The following MAOA variants were observed in gnomAD, a reference collection of about 807,000 sequenced individuals.
MAOA encodes monoamine oxidase A, also known as amine oxidase [flavin-containing] A.
MAOA carries 6 observed loss-of-function variants against 42.0 expected under a neutral mutation model. That is an observed-to-expected ratio of 0.14 (90% CI 0.08 to 0.28). The LOEUF is 0.28. Ranked by LOEUF, MAOA falls within the 10% of genes least tolerant of loss-of-function variation. The pLI, the probability that MAOA is intolerant of heterozygous loss-of-function variation, is 1.00. For missense variants in MAOA, 262 were observed against 422.3 expected, an observed-to-expected ratio of 0.62 and a Z score of 3.33; for synonymous variants, 140 against 154.0, an observed-to-expected ratio of 0.91 and a Z score of 0.67.
chrX:43,690,551 A>G (rs1466632701), intron 2 of MAOA, among the ~76,000 whole-genome samples: 2 of 111,066 alleles, frequency 1.8e-5, no homozygotes, highest in Non-Finnish European at 3.8e-5. Context: ...GTTTGCATGT[A>G]TGTTTTGTAA....
At chrX:43,688,681 A>G (rs1222954677) in intron 2 of MAOA, among the ~76,000 whole-genome samples, 3 of 112,078 alleles carry the variant, frequency 2.7e-5, no homozygotes, top group Non-Finnish European at 5.6e-5. Context: ...TCTAAAAGCT[A>G]TATGCAGTGT....
At chrX:43,696,420 C>T (rs767474530) in intron 3 of MAOA, among the ~76,000 whole-genome samples, 30 of 112,028 alleles carry the variant, frequency 2.7e-4, no homozygotes, top group Non-Finnish European at 5.1e-4. Flanking sequence ...GAATGTAAGG[C>T]AGAAAATAAA....
chrX:43,733,675 C>A (rs1406355341), intron 9 of MAOA, among the ~76,000 whole-genome samples: 1 of 112,004 alleles, frequency 8.9e-6, no homozygotes, highest in East Asian at 2.8e-4. Context: ...TCCCCTTTAC[C>A]CCTAGGAAAT....
At chrX:43,673,745 C>G (rs1231897723) in intron 1 of MAOA, among the ~76,000 whole-genome samples, 1 of 111,641 alleles carries the variant, frequency 9.0e-6, no homozygotes, top group African/African-American at 3.3e-5. Context: ...TTTCCATGTA[C>G]TTGAGTGGTT....
chrX:43,739,968 T>G (rs770963508), intron 10 of MAOA, among the ~76,000 whole-genome samples: 7 of 112,389 alleles, frequency 6.2e-5, no homozygotes, highest in African/African-American at 1.9e-4. Context: ...TTTATATAAG[T>G]ACAACCACTA....
chrX:43,685,495 A>G lies in MAOA; in HGVS notation c.168+1888A>G, dbSNP rs767296896. On this transcript the variant is annotated intron_variant, in intron 2 of 14. Transcript: ENST00000338702. ...CAATGGATACTAGAATAACCTACAG[A>G]CAACATTTGAATTAGGATTTCATAG... Among the ~76,000 whole-genome samples the G allele has an allele frequency of 1.7e-4, 19 of 111,921 alleles. No homozygotes were observed. The South Asian group carries it at 6.7e-3, about 40-fold the overall frequency.
chrX:43,693,368 G>A lies in MAOA; in HGVS notation c.246G>A (p.Lys82=). ...PTQNRILRLS[K]ELGIETYKVN... ...AAAACAGAATCTTACGCTTGTCTAA[G>A]GAGCTGGGCATAGAGACTTACAAAG... The change falls in exon 3 of 15, where the codon AAG becomes AAA. Residue 82 remains lysine (K), a synonymous_variant. Transcript: ENST00000338702. The A allele has an allele frequency of 3.3e-6, 4 of 1,210,338 alleles. No homozygotes were observed. The highest frequency in any genetic ancestry group is 2.2e-6 in the Non-Finnish European group (2 of 894,099).
At position 43,674,221 on chromosome X, in the gene MAOA, G is replaced by C. The variant is rs1372349723; in HGVS notation, c.74-9292G>C. ...TGTAATGGCCTTCTTTGTCTCTTTTGATCTTTGTTGGTTTAAAGTCTGTTT... is the reference window on the plus strand; with the variant it reads ...TGTAATGGCCTTCTTTGTCTCTTTTCATCTTTGTTGGTTTAAAGTCTGTTT... On this transcript the variant is annotated intron_variant, in intron 1 of 14. Transcript: ENST00000338702. Among the ~76,000 whole-genome samples the C allele has an allele frequency of 8.8e-3, 973 of 110,236 alleles. 15 individuals carry two copies. The highest frequency in any genetic ancestry group is 0.029 in the African/African-American group (895 of 30,364).
At chrX:43,693,550 T>C (rs2033553313) in intron 3 of MAOA, 122 bp downstream of exon 3, 1 of 765,113 alleles carries the variant, frequency 1.3e-6, no homozygotes, top group South Asian at 2.3e-5. Flanking sequence ...GACTTTGAAG[T>C]AGTATTTGCC....
chrX:43,712,873 G>A (rs2033710367), intron 5 of MAOA, 77 bp downstream of exon 5: 2 of 708,118 alleles, frequency 2.8e-6, no homozygotes, highest in South Asian at 4.6e-5. Flanking sequence ...GAACTGCAGT[G>A]CTTTTCTTAA....
intron 9 of MAOA, among the ~76,000 whole-genome samples, chrX:43,733,451 G>T (rs964559315): frequency 9.0e-6 from 1 of 111,190 alleles, no homozygotes; most frequent in African/African-American, 3.3e-5. Context: ...TTCTCATTCC[G>T]GCACATAGCT....
At chrX:43,719,861 A>G (rs1467369601) in intron 5 of MAOA, among the ~76,000 whole-genome samples, 1 of 110,086 alleles carries the variant, frequency 9.1e-6, no homozygotes, top group Non-Finnish European at 1.9e-5. Context: ...AATGACCCGG[A>G]GGGGTAGTGG....
chrX:43,696,757 A>G, intron 3 of MAOA, among the ~76,000 whole-genome samples: 1 of 111,905 alleles, frequency 8.9e-6, no homozygotes, highest in East Asian at 2.8e-4. Flanking sequence ...AAAAAGAAAA[A>G]GAATAAAAAA....
At chrX:43,716,171 T>A (rs2033742373) in intron 5 of MAOA, among the ~76,000 whole-genome samples, 1 of 110,633 alleles carries the variant, frequency 9.0e-6, no homozygotes, top group African/African-American at 3.3e-5. Context: ...TGGGGTTAAG[T>A]AAACAGGAAA....
At chrX:43,676,465 C>T (rs148730276) in intron 1 of MAOA, among the ~76,000 whole-genome samples, 3,332 of 111,224 alleles carry the variant, frequency 0.03, 126 homozygotes, top group African/African-American at 0.1. Flanking sequence ...CCTGCGCCCA[C>T]TGTCTGGCAC....
chrX:43,690,118 G>T (rs1161400094), intron 2 of MAOA, among the ~76,000 whole-genome samples: 1 of 108,688 alleles, frequency 9.2e-6, no homozygotes, highest in Admixed American at 1.0e-4. Flanking sequence ...TGGACCTGTT[G>T]GGTTTCTTAT....
Position 43,742,056 on chromosome X carries a change from C to T in MAOA, c.1262+9C>T. ...ATGACTCAATATGGAAGGTATTACG[C>T]AAGCACTACGCCAATTAATCCAAGA... On this transcript the variant is annotated intron_variant, in intron 12 of 14. Coordinates refer to ENST00000338702, the MANE Select transcript of MAOA (RefSeq NM_000240.4). 8.3e-7 allele frequency: 1 copy of T among 1,211,201 alleles called. No homozygotes were observed. The highest frequency in any genetic ancestry group is 1.7e-5 in the African/African-American group (1 of 57,742).
intron 1 of MAOA, among the ~76,000 whole-genome samples, chrX:43,676,517 A>G (rs1483228241): frequency 9.0e-6 from 1 of 111,685 alleles, no homozygotes; most frequent in African/African-American, 3.3e-5. Flanking sequence ...GGAAATGCAG[A>G]AATCACCCGT....
intron 1 of MAOA, among the ~76,000 whole-genome samples, chrX:43,673,299 C>A (rs1425177809): frequency 6.0e-4 from 66 of 110,899 alleles, no homozygotes; most frequent in Admixed American, 3.7e-3. Flanking sequence ...CCTTTATCAT[C>A]TTTTATTGCA....
Sources: allele counts gnomAD v4.1 joint callset (sites outside exome capture counted in the v4.1 genomes callset), GRCh38; gene constraint gnomAD v4.1.1; transcripts MANE v1.5; gene names NCBI Gene and HGNC (gene_info 2026-07-23, HGNC 2026-07-21).